NLRC3: variants seen among roughly 807,000 people sequenced by gnomAD.
The protein encoded by NLRC3 is NLR family CARD domain-containing protein 3.
Under a neutral mutation model 91.6 loss-of-function variants are expected in NLRC3, and 87 were observed. The ratio of observed to expected loss-of-function variants is 0.95; its 90% confidence interval spans 0.80 to 1.14. The LOEUF (loss-of-function observed/expected upper bound fraction) is 1.14, where lower values mean the gene tolerates loss of function less well. NLRC3 is among the 50% of genes most tolerant of loss of function. The pLI is 0.00. For synonymous variants in NLRC3, 694 were observed against 625.3 expected, an observed-to-expected ratio of 1.11 and a Z score of -1.64; for missense variants, 1,577 against 1,418.6, an observed-to-expected ratio of 1.11 and a Z score of -1.79.
Position 3,539,277 on chromosome 16 carries a change from C to T in NLRC3, c.*2548G>A, listed in dbSNP as rs2038307316. ...CTCTCAGGTGCCAGAATTGGGGACT[C>T]CTTTAATTGGAAGGGAGCTAAAGGG... On this transcript the variant is annotated 3_prime_UTR_variant, in exon 20 of 20. Transcript: ENST00000359128. The T allele has an allele frequency of 6.6e-6, 1 of 152,142 alleles. No homozygotes were observed. Among genetic ancestry groups the T allele is most frequent in the African/African-American group, 2.4e-5 (1 of 41,432 alleles). 9.4% of individuals were successfully genotyped at this position (152,142 alleles called of 1,614,324 possible).
At chr16:3,546,188 A>C (rs916008548) in intron 15 of NLRC3, among the ~76,000 whole-genome samples, 2 of 152,074 alleles carry the variant, frequency 1.3e-5, no homozygotes, top group African/African-American at 4.8e-5. Flanking sequence ...GCTTGAGCCC[A>C]GGAGTTCAAG....
intron 15 of NLRC3, among the ~76,000 whole-genome samples, chr16:3,546,499 G>A (rs1458849758): frequency 6.6e-6 from 1 of 152,158 alleles, no homozygotes; most frequent in Non-Finnish European, 1.5e-5. Flanking sequence ...AGAGGTTGCA[G>A]TGAGCCGAGA....
chr16:3,541,899 T>A lies in NLRC3; in HGVS notation c.3124A>T (p.Ile1042Phe). 1 of 1,609,868 alleles carries A rather than the reference T, an allele frequency of 6.2e-7. No homozygotes were observed. The highest frequency in any genetic ancestry group is 8.5e-7 in the Non-Finnish European group (1 of 1,177,106). ...LQHINLQGNHIGDSGARMISE... is the reference protein window; with the variant it reads ...LQHINLQGNHFGDSGARMISE... ...ATCATCCTGGCCCCGGAGTCCCCAA[T>A]GTGGTTTCCCTGGAGACTAGAAGAG... Residue 1042 changes from isoleucine (I) to phenylalanine (F), a missense_variant, in exon 20 of 20, where the codon ATT becomes TTT. By Grantham distance (21) the Ile-to-Phe change is conservative (BLOSUM62 0). Transcript: ENST00000359128.
Position 3,563,083 on chromosome 16 carries a change from G to A in NLRC3, c.1854C>T (p.Ala618=), listed in dbSNP as rs1254851645. The change falls in exon 5 of 20, where the codon GCC becomes GCT. Residue 618 remains alanine (A), a synonymous_variant. Transcript: ENST00000359128. ...LQVSDACAQE[A]NLSLSLSQGV... The stretch of plus-strand genomic sequence containing the variant: ...CCTGGCTGAGGCTCAGGGACAGGTT[G>A]GCCTCCTGGGCACAGGCGTCGGACA... The A allele has an allele frequency of 6.4e-7, 1 of 1,570,214 alleles. No individual in the cohort carries two copies. Among genetic ancestry groups the A allele is most frequent in the South Asian group, 1.2e-5 (1 of 85,532 alleles).
chr16:3,552,221 G>A lies in NLRC3; in HGVS notation c.2326C>T (p.Gln776Ter), dbSNP rs1300123341. The A allele has an allele frequency of 6.2e-7, 1 of 1,611,808 alleles. No homozygotes were observed. Among genetic ancestry groups the A allele is most frequent in the East Asian group, 2.2e-5 (1 of 44,880 alleles). ...GAQRMADALK[Q>*]NRSLKELMFS... ...ATGAGCTCTTTCAGACTCCTGTTCT[G>A]CTTCAAGGCATCTGCCATCCGCTGG... Residue 776 changes from glutamine to a stop codon, truncating the protein, a stop_gained, in exon 10 of 20, where the codon CAG becomes TAG. Transcript: ENST00000359128. LOFTEE classifies it high-confidence loss of function.
At chr16:3,572,995 G>C (rs2040152742) in intron 1 of NLRC3, among the ~76,000 whole-genome samples, 1 of 123,922 alleles carries the variant, frequency 8.1e-6, no homozygotes, top group Non-Finnish European at 1.6e-5. Flanking sequence ...CTGGGCGATA[G>C]AGCAAGACTC....
chr16:3,565,469 CAAAAAAAAAAAA>C lies in NLRC3; in HGVS notation c.-86-101_-86-90del, dbSNP rs57860901. 223 of 44,854 alleles carry C rather than the reference CAAAAAAAAAAAA, an allele frequency of 5.0e-3. 1 individual carries two copies. Among genetic ancestry groups the C allele is most frequent in the Middle Eastern group, 0.019 (1 of 52 alleles). The allele number at this position is 44,854 out of a possible 1,614,324, so 2.8% of individuals were successfully genotyped here. On this transcript the variant is annotated intron_variant, in intron 2 of 19. Transcript: ENST00000359128. ...CTCTGTTGGAACATGTGGGAAAAAGCAAAAAAAAAAAAAAAAAAAAAAAAAAAAGGCAGCAGC... is the reference window on the plus strand; with the variant it reads ...CTCTGTTGGAACATGTGGGAAAAAGCAAAAAAAAAAAAAAAAGGCAGCAGC...
Position 3,564,580 on chromosome 16 carries a change from G to A in NLRC3, c.357C>T (p.Ala119=), listed in dbSNP as rs1388540045. 6.2e-7 allele frequency: 1 copy of A among 1,611,728 alleles called. No homozygotes were observed. Among genetic ancestry groups the A allele is most frequent in the East Asian group, 2.2e-5 (1 of 44,876 alleles). The change falls in exon 5 of 20, where the codon GCC becomes GCT. Residue 119 remains alanine, a synonymous_variant. Coordinates refer to ENST00000359128, the MANE Select transcript of NLRC3 (RefSeq NM_178844.4). This position sits in a 1 kb window ranked among gnomAD's most constrained non-coding sequence, Gnocchi z 5.9. ...VEATRGGGHP[A]RTVALDRLFL... ...AGAGCCGGTCCAGGGCGACGGTCCT[G>A]GCGGGGTGCCCGCCCCCGCGGGTGG...
At chr16:3,545,275 G>T (rs909005475) in intron 15 of NLRC3, 4 of 151,964 alleles carry the variant, frequency 2.6e-5, no homozygotes, top group African/African-American at 9.7e-5. Flanking sequence ...GTGAAACCCC[G>T]TCTCCACTAA....
intron 19 of NLRC3, 102 bp from the exon 20 acceptor site, chr16:3,542,017 C>A: frequency 9.7e-6 from 8 of 820,536 alleles, no homozygotes; most frequent in Non-Finnish European, 1.6e-5. Flanking sequence ...AGCCTTTGTG[C>A]TTCTAGGATC....
chr16:3,542,225 C>G lies in NLRC3; in HGVS notation c.3073G>C (p.Ala1025Pro). ...GMDGAICIAT[A>P]LSGNHRLQHI... ...TGGAGCCTGTGGTTTCCAGACAGTGCTGTGGCAATGCATATCGCCCCGTCC... is the reference window on the plus strand; with the variant it reads ...TGGAGCCTGTGGTTTCCAGACAGTGGTGTGGCAATGCATATCGCCCCGTCC... Residue 1025 changes from alanine to proline, a missense_variant, in exon 19 of 20, where the codon GCA becomes CCA. Ala to Pro is a conservative substitution (Grantham distance 27). Coordinates refer to ENST00000359128, the MANE Select transcript of NLRC3 (RefSeq NM_178844.4). 1 of 1,594,188 alleles carries G rather than the reference C, an allele frequency of 6.3e-7. No homozygotes were observed. The highest frequency in any genetic ancestry group is 1.3e-5 in the African/African-American group (1 of 74,524).
rs900766865 is a variant in NLRC3, at chr16:3,542,405, G to A, written c.3024-131C>T. 60 of 685,650 alleles carry A rather than the reference G, an allele frequency of 8.8e-5. 1 individual carries two copies. The East Asian group carries it at 1.4e-3, about 16-fold the overall frequency. The allele number at this position is 685,650 out of a possible 1,614,324, so 42.5% of individuals were successfully genotyped here. A position where few individuals can be genotyped will look rare whatever the true frequency, so the allele number is the denominator to read the frequency against. On this transcript the variant is annotated intron_variant, in intron 18 of 19. Coordinates refer to ENST00000359128, the MANE Select transcript of NLRC3 (RefSeq NM_178844.4). ...GTCCACAGGTGCCATGGCAACTCCA[G>A]GTGGGAGTTGACCCTGGAGACAGGT...
intron 6 of NLRC3, among the ~76,000 whole-genome samples, chr16:3,559,070 C>G (rs966146181): frequency 1.3e-5 from 2 of 152,202 alleles, no homozygotes; most frequent in Non-Finnish European, 2.9e-5. Context: ...CCGTGCCCAG[C>G]CTGGTACTTT....
In NLRC3 at chr16:3,540,178, TG is replaced by T. The variant is rs1225421956; in HGVS notation, c.*1646del. ...TTTGTAAATTAGGATATCACCTTTG[TG>T]GGGTGCCGTTTTGAGACTGCAAGGA... On this transcript the variant is annotated 3_prime_UTR_variant, in exon 20 of 20. Coordinates refer to ENST00000359128, the MANE Select transcript of NLRC3 (RefSeq NM_178844.4). 1 of 152,218 alleles carries T rather than the reference TG, an allele frequency of 6.6e-6. No homozygotes were observed. 9.4% of individuals were successfully genotyped at this position (152,218 alleles called of 1,614,324 possible).
rs369562107 is a variant in NLRC3 at position 3,564,280 on chromosome 16, G to A, written c.657C>T (p.Asp219=). 7.2e-5 allele frequency: 116 copies of A among 1,611,816 alleles called. No homozygotes were observed. Among genetic ancestry groups the A allele is most frequent in the Non-Finnish European group, 8.2e-5 (97 of 1,179,550 alleles). The change falls in exon 5 of 20, where the codon GAC becomes GAT. Residue 219 remains aspartate (D), a synonymous_variant. Coordinates refer to ENST00000359128, the MANE Select transcript of NLRC3 (RefSeq NM_178844.4). This position sits in a 1 kb window ranked among gnomAD's most constrained non-coding sequence, Gnocchi z 5.9. ...GAGGCGTCCTGCACTCATCCAAGCC[G>A]TCCAGGATCAGGAGGGCCCTGGCTG... The part of the protein sequence containing the change: ...AVPARALLIL[D]GLDECRTPLD...
rs1243241797 is a variant in NLRC3, at chr16:3,564,717, C to T, written c.220G>A (p.Val74Met). Reference sequence around the variant, plus strand: ...CCGCCCAGCTCCGGGCCACCTCCCACCTTGCTCAGCAGGGCCTTGCGGTGC... The same window carrying T: ...CCGCCCAGCTCCGGGCCACCTCCCATCTTGCTCAGCAGGGCCTTGCGGTGC... Reference protein sequence around the residue: ...QRHRKALLSKVGGGPELGGPW... With the variant: ...QRHRKALLSKMGGGPELGGPW... The change falls in exon 5 of 20, where the codon GTG becomes ATG. Residue 74 changes from valine to methionine, a missense_variant. By Grantham distance (21) the Val-to-Met change is conservative (BLOSUM62 1). Transcript: ENST00000359128. The surrounding 1 kb of genome is among the most constrained non-coding windows in gnomAD (Gnocchi z 5.9). The T allele has an allele frequency of 2.5e-6, 4 of 1,595,262 alleles. No homozygotes were observed. The highest frequency in any genetic ancestry group is 3.4e-6 in the Non-Finnish European group (4 of 1,176,548).
In NLRC3 at chr16:3,542,266, T is replaced by G. The variant is rs1045443634; in HGVS notation, c.3032A>C (p.Glu1011Ala). ...NSSLRRLNLQ[E>A]NSLGMDGAIC... ...CGCCCCGTCCATCCCCAGAGAATTC[T>G]CTTGAAGACTAAGTGGAAAAGAGAT... The change falls in exon 19 of 20, where the codon GAG becomes GCG. Residue 1011 changes from glutamate to alanine, a missense_variant. Transcript: ENST00000359128. 6 of 1,584,614 alleles carry G rather than the reference T, an allele frequency of 3.8e-6. No homozygotes were observed. Among genetic ancestry groups the G allele is most frequent in the Non-Finnish European group, 4.3e-6 (5 of 1,163,196 alleles).
rs781433764 is a variant in NLRC3, at chr16:3,563,092, G to A, written c.1845C>T (p.Ala615=). 1.9e-6 allele frequency: 3 copies of A among 1,573,678 alleles called. No individual in the cohort carries two copies. The African/African-American group carries it at 4.0e-5, about 21-fold the overall frequency. ...GGCTCAGGGACAGGTTGGCCTCCTG[G>A]GCACAGGCGTCGGACACCTGCAGGA... ...AYLLQVSDAC[A]QEANLSLSLS... The change falls in exon 5 of 20, where the codon GCC becomes GCT. Residue 615 remains alanine, a synonymous_variant. Coordinates refer to ENST00000359128, the MANE Select transcript of NLRC3 (RefSeq NM_178844.4).
At chr16:3,552,783 T>TA (rs111498782) in intron 9 of NLRC3, among the ~76,000 whole-genome samples, 14 of 151,928 alleles carry the variant, frequency 9.2e-5, no homozygotes, top group African/African-American at 2.9e-4. Flanking sequence ...CTACTAAAAA[T>TA]AAAAAAATTA....
Sources: gnomAD v4.1 joint callset for allele counts (sites outside exome capture counted in the v4.1 genomes callset) on GRCh38, gnomAD v4.1.1 for gene constraint, Gnocchi (gnomAD v3.1) non-coding constraint, MANE v1.5 for transcripts, NCBI Gene and HGNC (gene_info 2026-07-23, HGNC 2026-07-21) for gene names.